Variants in NFRKB observed in about 807,000 individuals in gnomAD.
NFRKB encodes nuclear factor related to kappaB binding protein, also known as nuclear factor related to kappa-B-binding protein.
Under a neutral mutation model 135.7 loss-of-function variants are expected in NFRKB, and 62 were observed. The ratio of observed to expected loss-of-function variants is 0.46; its 90% CI spans 0.37 to 0.56. The LOEUF (loss-of-function observed/expected upper bound fraction) is 0.56. NFRKB is among the 20% of genes least tolerant of loss of function. The pLI is 0.00. For synonymous variants in NFRKB, 678 were observed against 635.6 expected (o/e 1.07, Z -1.00); for missense variants, 1,545 against 1,662.0 (o/e 0.93, Z 1.22).
In NFRKB at chr11:129,874,944, A is replaced by C. The variant is rs1565401103; in HGVS notation, c.1855-28T>G. 6.2e-7 allele frequency: 1 copy of C among 1,613,430 alleles called. No individual in the cohort carries two copies. The highest frequency in any genetic ancestry group is 8.5e-7 in the Non-Finnish European group (1 of 1,179,550). On this transcript the variant is annotated intron_variant, in intron 18 of 26. Transcript: ENST00000682444. The surrounding 1 kb of genome is among the most constrained non-coding windows in gnomAD (Gnocchi z 4.5). The stretch of plus-strand genomic sequence containing the variant: ...ACAAATCAGACAAAGGGAAATAAGA[A>C]ACAAGTCAAGCTTAGATAACAGAAG...
At chr11:129,889,219 C>T (rs150792708) in intron 3 of NFRKB, among the ~76,000 whole-genome samples, 2,758 of 152,230 alleles carry the variant, frequency 0.018, 82 homozygotes, top group African/African-American at 0.063. Flanking sequence ...GCTTCGGCCT[C>T]CCAAAGTGCT....
Position 129,867,474 on chromosome 11 carries a change from G to A in NFRKB, c.3532-1491C>T, listed in dbSNP as rs550030024. 3.0e-4 allele frequency among the ~76,000 whole-genome samples: 45 copies of A among 152,010 alleles called. No homozygotes were observed. The South Asian group carries it at 4.6e-3, about 15-fold the overall frequency. On this transcript the variant is annotated intron_variant, in intron 24 of 26. Coordinates refer to ENST00000682444, the MANE Select transcript of NFRKB (RefSeq NM_001143835.2). ...TGGGATTACTGGTGCCCACCACCAC[G>A]CCCGGCTAATTTTTCTATTTCTGGT...
intron 9 of NFRKB, among the ~76,000 whole-genome samples, chr11:129,882,842 G>A (rs1949094728): frequency 6.6e-6 from 1 of 151,982 alleles, no homozygotes; most frequent in Non-Finnish European, 1.5e-5. Context: ...GGAGTGCAGT[G>A]GTGCGATCAT....
Position 129,888,621 on chromosome 11 carries a change from G to A in NFRKB, c.310C>T (p.Leu104=), listed in dbSNP as rs1474151289. 4.3e-6 allele frequency: 7 copies of A among 1,614,198 alleles called. No individual in the cohort carries two copies. The highest frequency in any genetic ancestry group is 5.9e-6 in the Non-Finnish European group (7 of 1,180,032). ...SGENFRFGNP[L]HIAQKLFRDG... ...CGGAAAAGCTTCTGGGCAATGTGCA[G>A]AGGGTTTCCAAAGCGGAAGTTCTCC... The change falls in exon 4 of 27, where the codon CTG becomes TTG. Residue 104 remains leucine (L), a synonymous_variant. Transcript: ENST00000682444.
Position 129,874,495 on chromosome 11 carries a change from A to C in NFRKB, c.2058+6T>G, listed in dbSNP as rs752958890. On this transcript the variant is annotated splice_donor_region_variant and intron_variant, in intron 20 of 26. Transcript: ENST00000682444. This position sits in a 1 kb window ranked among gnomAD's most constrained non-coding sequence, Gnocchi z 4.5. Reference sequence around the variant, plus strand: ...CTAGGGCAGACACTCTCCTGAAGTCACTTACCACCTTGGATGGGGGCTTGG... The same window carrying C: ...CTAGGGCAGACACTCTCCTGAAGTCCCTTACCACCTTGGATGGGGGCTTGG... The C allele has an allele frequency of 6.2e-6, 10 of 1,613,004 alleles. No homozygotes were observed. In the African/African-American group the frequency reaches 1.3e-4, roughly 22 times the overall value.
chr11:129,881,705 C>G, intron 12 of NFRKB, 22 bp downstream of exon 12: 2 of 1,612,400 alleles, frequency 1.2e-6, no homozygotes, highest in Non-Finnish European at 1.7e-6. Flanking sequence ...AAATACTGAC[C>G]CTACAAAAAA....
chr11:129,878,683 C>A, intron 13 of NFRKB, 140 bp from the exon 14 acceptor site: 1 of 733,430 alleles, frequency 1.4e-6, no homozygotes, highest in Non-Finnish European at 2.3e-6. Flanking sequence ...ACATCCACTG[C>A]CTTCCAGCTG....
chr11:129,882,719 C>T lies in NFRKB; in HGVS notation c.902-88G>A, dbSNP rs963764415. On this transcript the variant is annotated intron_variant, in intron 9 of 26. Transcript: ENST00000682444. Reference sequence around the variant, plus strand: ...TTATCTGCATATTCTTTTCCCAAGGCCCACCAAAGACAGAAAAGTCTCAGT... The same window carrying T: ...TTATCTGCATATTCTTTTCCCAAGGTCCACCAAAGACAGAAAAGTCTCAGT... The T allele has an allele frequency of 6.8e-6, 9 of 1,321,704 alleles. No individual in the cohort carries two copies. The East Asian group carries it at 1.2e-4, about 17-fold the overall frequency. 81.9% of individuals were successfully genotyped at this position (1,321,704 alleles called of 1,614,324 possible). A position where few individuals can be genotyped will look rare whatever the true frequency, so the allele number is the denominator to read the frequency against.
intron 25 of NFRKB, 121 bp downstream of exon 25, chr11:129,865,756 G>T: frequency 1.3e-6 from 1 of 752,238 alleles, no homozygotes. Context: ...CAATAAAGCA[G>T]AGGTGTCAAA....
rs946846920 is a variant in NFRKB at position 129,869,546 on chromosome 11, G to C, written c.3479C>G (p.Pro1160Arg). Residue 1160 changes from proline (P) to arginine (R), a missense_variant, in exon 24 of 27, where the codon CCC becomes CGC. Pro to Arg is a moderately radical substitution (Grantham distance 103). This residue lies in a region of NFRKB where 753 missense variants were observed against 804.3 expected (regional missense o/e 0.94). Coordinates refer to ENST00000682444, the MANE Select transcript of NFRKB (RefSeq NM_001143835.2). ...STPISISTGA[P>R]TVRQVPVSTT... ...GCTGACAGGGACCTGCCGCACGGTG[G>C]GGGCTCCTGTGCTGATGCTGATGGG... 1 of 1,613,788 alleles carries C rather than the reference G, an allele frequency of 6.2e-7. No homozygotes were observed. Among genetic ancestry groups the C allele is most frequent in the Admixed American group, 1.7e-5 (1 of 60,000 alleles).
intron 24 of NFRKB, among the ~76,000 whole-genome samples, chr11:129,868,486 T>C (rs1201966022): frequency 6.6e-6 from 1 of 152,228 alleles, no homozygotes; most frequent in Non-Finnish European, 1.5e-5. Context: ...ATGGGGCACA[T>C]GTGGATGTGG....
intron 23 of NFRKB, among the ~76,000 whole-genome samples, chr11:129,871,535 C>A (rs989583604): frequency 1.3e-5 from 2 of 152,178 alleles, no homozygotes. Flanking sequence ...CACCATCTAA[C>A]CAAGCGCCCA....
At chr11:129,865,719 A>G (rs941718215) in intron 25 of NFRKB, among the ~76,000 whole-genome samples, 158 bp downstream of exon 25, 1 of 152,206 alleles carries the variant, frequency 6.6e-6, no homozygotes, top group Non-Finnish European at 1.5e-5. Context: ...ACAATACTGG[A>G]TGCTCAATAA....
intron 9 of NFRKB, 94 bp from the exon 10 acceptor site, chr11:129,882,725 A>G (rs1328765406): frequency 4.8e-6 from 6 of 1,244,704 alleles, no homozygotes; most frequent in Non-Finnish European, 6.7e-6. Flanking sequence ...AAGGCCCACC[A>G]AAGACAGAAA....
chr11:129,886,430 G>A lies in NFRKB; in HGVS notation c.352C>T (p.Pro118Ser). 3 of 1,613,644 alleles carry A rather than the reference G, an allele frequency of 1.9e-6. No homozygotes were observed. In the South Asian group the frequency reaches 3.3e-5, roughly 18 times the overall value. Residue 118 changes from proline to serine, a missense_variant, in exon 5 of 27, where the codon CCC becomes TCC. By Grantham distance (74) the Pro-to-Ser change is moderately conservative. Transcript: ENST00000682444. ...QKLFRDGHFN[P>S]EVVKYRQLCF... ...AACTGCCGGTACTTGACCACCTCGG[G>A]GTTAAAGTGTCCGTCTTAAAAAAAT...
At chr11:129,880,437 A>C (rs749241971) in intron 13 of NFRKB, among the ~76,000 whole-genome samples, 3 of 152,124 alleles carry the variant, frequency 2.0e-5, no homozygotes, top group African/African-American at 7.2e-5. Flanking sequence ...CAGCTCTCAC[A>C]GCCCGTGGGT....
Position 129,864,386 on chromosome 11 carries a change from C to A in NFRKB, c.*339G>T, listed in dbSNP as rs138565947. ...AATCCTCATGGAGAACCAGCCTATT[C>A]GCTGTGTGCACTCTGCAACTGGTAA... On this transcript the variant is annotated 3_prime_UTR_variant, in exon 27 of 27. Transcript: ENST00000682444. 2.3e-3 allele frequency: 554 copies of A among 243,804 alleles called. 5 individuals carry two copies. The highest frequency in any genetic ancestry group is 0.012 in the African/African-American group (524 of 45,040). 15.1% of individuals were successfully genotyped at this position (243,804 alleles called of 1,614,324 possible).
At chr11:129,866,767 T>G (rs1314587912) in intron 24 of NFRKB, among the ~76,000 whole-genome samples, 2 of 152,174 alleles carry the variant, frequency 1.3e-5, no homozygotes, top group African/African-American at 4.8e-5. Flanking sequence ...CAGTGAAATC[T>G]TATGTAAATT....
At chr11:129,893,203 C>G in intron 2 of NFRKB, 1 of 635,150 alleles carries the variant, frequency 1.6e-6, no homozygotes, top group South Asian at 1.8e-5. Context: ...ACTTCCCAGA[C>G]CAATAATCAC....
Sources: allele counts gnomAD v4.1 joint callset (sites outside exome capture counted in the v4.1 genomes callset), GRCh38; gene constraint gnomAD v4.1.1; regional missense constraint gnomAD v4.1.1; non-coding constraint Gnocchi (gnomAD v3.1); transcripts MANE v1.5; gene names NCBI Gene and HGNC (gene_info 2026-07-23, HGNC 2026-07-21).